Variants in USP48 observed in about 807,000 individuals in gnomAD.
USP48 encodes the protein ubiquitin carboxyl-terminal hydrolase 48.
A neutral mutation model predicts 150.7 loss-of-function variants in USP48; 43 were observed. The observed-to-expected ratio is 0.29, with a 90% CI of 0.22 to 0.37. The LOEUF (loss-of-function observed/expected upper bound fraction) is 0.37. Among genes scored for constraint, USP48 ranks in the 10% least tolerant of loss-of-function variants. USP48 has a pLI of 1.00. For synonymous variants in USP48, 396 were observed against 425.9 expected (o/e 0.93, Z 0.86); for missense variants, 813 against 1,249.6 (o/e 0.65, Z 5.27).
chr1:21,736,687 C>T, intron 8 of USP48, 62 bp from the exon 9 acceptor site: 1 of 1,306,364 alleles, frequency 7.7e-7, no homozygotes, highest in Non-Finnish European at 1.0e-6. Flanking sequence ...ATATCCTGAG[C>T]CTGAATTGTA....
intron 3 of USP48, among the ~76,000 whole-genome samples, chr1:21,756,076 A>G (rs1470568816): frequency 6.6e-6 from 1 of 151,622 alleles, no homozygotes; most frequent in Non-Finnish European, 1.5e-5. Flanking sequence ...GAGGCAGGAG[A>G]ATTGCTTGAA....
At chr1:21,681,130 C>T (rs2097564637) in intron 25 of USP48, 4 of 253,220 alleles carry the variant, frequency 1.6e-5, no homozygotes, top group Non-Finnish European at 7.4e-6. Context: ...AGCCATGTAA[C>T]TGACTCCTCT....
chr1:21,736,303 A>C (rs1376794688), intron 9 of USP48, 143 bp downstream of exon 9: 1 of 841,810 alleles, frequency 1.2e-6, no homozygotes, highest in Non-Finnish European at 1.8e-6. Context: ...CAAGATGTTC[A>C]GTGATTTTAC....
At chr1:21,754,851 A>G (rs953482635) in intron 3 of USP48, among the ~76,000 whole-genome samples, 1 of 152,116 alleles carries the variant, frequency 6.6e-6, no homozygotes, top group Non-Finnish European at 1.5e-5. Flanking sequence ...TCTCATGGAC[A>G]GTTTCTAGTA....
intron 9 of USP48, among the ~76,000 whole-genome samples, chr1:21,730,221 A>C (rs1571887520): frequency 6.6e-6 from 1 of 152,124 alleles, no homozygotes; most frequent in Non-Finnish European, 1.5e-5. Flanking sequence ...TGGGCAGATC[A>C]CTTGAAGCCA....
chr1:21,756,776 A>T, intron 2 of USP48, 74 bp from the exon 3 acceptor site: 2 of 1,572,690 alleles, frequency 1.3e-6, no homozygotes, highest in Non-Finnish European at 1.7e-6. Flanking sequence ...ATTATTCTTA[A>T]ATTTTCAGAT....
chr1:21,688,523 T>C (rs566202819), intron 24 of USP48, among the ~76,000 whole-genome samples: 7 of 151,342 alleles, frequency 4.6e-5, no homozygotes, highest in Non-Finnish European at 1.0e-4. Flanking sequence ...CCAGTGAAAG[T>C]AGGGGCTTCT....
chr1:21,690,019 G>T lies in USP48; in HGVS notation c.2964C>A (p.Thr988=), dbSNP rs1011546411. 6.2e-7 allele frequency: 1 copy of T among 1,614,048 alleles called. No individual in the cohort carries two copies. The highest frequency in any genetic ancestry group is 1.3e-5 in the African/African-American group (1 of 75,004). The stretch of plus-strand genomic sequence containing the variant: ...CAGGAATGACGCCAAGGGTGCCTAG[G>T]GTGGCACAGTCATCACTTAAAATCT... ...DGKILSDDCA[T]LGTLGVIPES... is the part of the protein sequence containing the mutation. Residue 988 remains threonine (T), a synonymous_variant, in exon 24 of 27, where the codon ACC becomes ACA. Coordinates refer to ENST00000308271, the MANE Select transcript of USP48 (RefSeq NM_032236.8).
chr1:21,771,918 C>CAA (rs35718532), intron 1 of USP48, among the ~76,000 whole-genome samples: 1 of 126,024 alleles, frequency 7.9e-6, no homozygotes, highest in Non-Finnish European at 1.7e-5. Flanking sequence ...AACTCCATCT[C>CAA]AAAAAAAAAA....
At chr1:21,727,738 A>C (rs2097742978) in intron 11 of USP48, 1 of 371,800 alleles carries the variant, frequency 2.7e-6, no homozygotes, top group East Asian at 1.6e-4. Context: ...GAATTGAATT[A>C]AAATTTAGTT....
rs1241223430 is a variant in USP48, at chr1:21,678,625, G to A, written c.*792C>T. 1 of 152,162 alleles carries A rather than the reference G, an allele frequency of 6.6e-6. No individual in the cohort carries two copies. 9.4% of individuals were successfully genotyped at this position (152,162 alleles called of 1,614,324 possible). A position where few individuals can be genotyped will look rare whatever the true frequency, so the allele number is the denominator to read the frequency against. ...GTAGTCAGATTTTTTATTTTCAAAC[G>A]TGCCAGGTACATTTCCCACTTTTGA... On this transcript the variant is annotated 3_prime_UTR_variant, in exon 27 of 27. Transcript: ENST00000308271.
At chr1:21,721,795 A>G in intron 12 of USP48, 31 bp from the exon 13 acceptor site, 2 of 1,426,140 alleles carry the variant, frequency 1.4e-6, no homozygotes, top group African/African-American at 1.4e-5. Flanking sequence ...AAGGAAATAT[A>G]TTTCATTCAA....
At position 21,721,177 on chromosome 1, in the gene USP48, G is replaced by C. The variant is rs1298110435; in HGVS notation, c.1764-11C>G. On this transcript the variant is annotated splice_polypyrimidine_tract_variant and intron_variant, in intron 13 of 26. Transcript: ENST00000308271. ...CAAAATCCATCGCTGCTGTGGAACA[G>C]AGAGAATGTTAAATCATATAAGTAA... is the stretch of plus-strand genomic sequence containing the variant. The C allele has an allele frequency of 1.9e-6, 3 of 1,613,628 alleles. No homozygotes were observed. Among genetic ancestry groups the C allele is most frequent in the Admixed American group, 1.7e-5 (1 of 59,948 alleles).
At chr1:21,750,184 A>C (rs1393721377) in intron 6 of USP48, among the ~76,000 whole-genome samples, 1 of 151,942 alleles carries the variant, frequency 6.6e-6, no homozygotes, top group Non-Finnish European at 1.5e-5. Context: ...CACCTCCACG[A>C]CTTTATCTTC....
chr1:21,706,970 T>C, intron 15 of USP48, 102 bp from the exon 16 acceptor site: 1 of 1,307,932 alleles, frequency 7.6e-7, no homozygotes, highest in Non-Finnish European at 1.0e-6. Context: ...CAGGTACGCT[T>C]TTCTTGCTTT....
intron 1 of USP48, among the ~76,000 whole-genome samples, chr1:21,762,611 TAA>T (rs2097852490): frequency 1.3e-5 from 2 of 152,154 alleles, no homozygotes; most frequent in Non-Finnish European, 2.9e-5. Flanking sequence ...CTCACGCCTG[TAA>T]TCCCAGCACT....
At position 21,771,400 on chromosome 1, in the gene USP48, TTAA is replaced by T. The variant is rs1261075123; in HGVS notation, c.134+11421_134+11423del. Among the ~76,000 whole-genome samples, 23 of 148,704 alleles carry T rather than the reference TTAA, an allele frequency of 1.5e-4. 2 individuals are homozygous for T. The East Asian group carries it at 4.5e-3, about 29-fold the overall frequency. On this transcript the variant is annotated intron_variant, in intron 1 of 26. Transcript: ENST00000308271. ...AAAAAAAATAAATTATTATTAATTA[TTAA>T]TAAATTATAATTTATAATTATTTTA... is the stretch of plus-strand genomic sequence containing the variant.
At chr1:21,703,053 T>C (rs1426974818) in intron 21 of USP48, among the ~76,000 whole-genome samples, 2 of 152,220 alleles carry the variant, frequency 1.3e-5, no homozygotes, top group African/African-American at 2.4e-5. Flanking sequence ...CAGTGAGGGC[T>C]TGGGTAAAAA....
At chr1:21,711,420 C>T (rs2097689844) in intron 15 of USP48, among the ~76,000 whole-genome samples, 2 of 152,128 alleles carry the variant, frequency 1.3e-5, no homozygotes, top group African/African-American at 4.8e-5. Flanking sequence ...AGACTAGATG[C>T]TTATTCTAGG....
Sources: allele counts gnomAD v4.1 joint callset (sites outside exome capture counted in the v4.1 genomes callset), GRCh38; gene constraint gnomAD v4.1.1; transcripts MANE v1.5; gene names NCBI Gene and HGNC (gene_info 2026-07-23, HGNC 2026-07-21).